INPP5A: variants seen among roughly 807,000 people sequenced by gnomAD.
The protein encoded by INPP5A is inositol polyphosphate-5-phosphatase A, also known as 43 kDa inositol polyphosphate 5-phophatase.
INPP5A carries 14 observed loss-of-function variants against 65.2 expected under a neutral mutation model. The ratio of observed to expected loss-of-function variants is 0.21; its 90% confidence interval spans 0.14 to 0.34. The LOEUF is 0.34. Among genes scored for constraint, INPP5A ranks in the 10% least tolerant of loss-of-function variants. The pLI, the probability that INPP5A is intolerant of heterozygous loss-of-function variation, is 1.00. For missense variants in INPP5A, 431 were observed against 545.6 expected (o/e 0.79, Z 2.09); for synonymous variants, 207 against 208.3 (o/e 0.99, Z 0.05).
intron 1 of INPP5A, among the ~76,000 whole-genome samples, chr10:132,564,959 G>A (rs777315657): frequency 3.0e-4 from 46 of 152,136 alleles, no homozygotes; most frequent in South Asian, 8.3e-4. Flanking sequence ...CTGCCACCCC[G>A]CTCCCCACAG....
chr10:132,653,794 C>T (rs1056251965), intron 4 of INPP5A, among the ~76,000 whole-genome samples: 6 of 152,214 alleles, frequency 3.9e-5, no homozygotes, highest in African/African-American at 1.4e-4. Flanking sequence ...AGTCTGCACC[C>T]GCTGCAGATC....
At chr10:132,745,841 G>A (rs1346372372) in intron 9 of INPP5A, among the ~76,000 whole-genome samples, 1 of 151,590 alleles carries the variant, frequency 6.6e-6, no homozygotes. Context: ...GCCTGGGCAT[G>A]GTGGGCCCGG....
intron 9 of INPP5A, among the ~76,000 whole-genome samples, chr10:132,736,532 G>C (rs529158710): frequency 6.6e-6 from 1 of 152,198 alleles, no homozygotes; most frequent in Non-Finnish European, 1.5e-5. Flanking sequence ...GAGACACCCC[G>C]AGAGCCGGGC....
At chr10:132,661,604 C>T (rs567021072) in intron 4 of INPP5A, among the ~76,000 whole-genome samples, 14 of 152,120 alleles carry the variant, frequency 9.2e-5, no homozygotes, top group Admixed American at 4.6e-4. Context: ...GATGTCATTT[C>T]TCCCCAAATT....
At position 132,645,864 on chromosome 10, in the gene INPP5A, C is replaced by T. The variant is rs376998631; in HGVS notation, c.118-4C>T. On this transcript the variant is annotated splice_region_variant and splice_polypyrimidine_tract_variant and intron_variant, in intron 2 of 15. Coordinates refer to ENST00000368594, the MANE Select transcript of INPP5A (RefSeq NM_005539.5). ...ACCCTGACAGTGTGCTTCTCTCCCT[C>T]CAGGTCGTGCACACACACAAGCCGC... 3.1e-6 allele frequency: 5 copies of T among 1,610,984 alleles called. No individual in the cohort carries two copies. The African/African-American group carries it at 4.0e-5, about 13-fold the overall frequency.
intron 9 of INPP5A, among the ~76,000 whole-genome samples, chr10:132,740,385 TCTC>T (rs1173892598): frequency 6.6e-6 from 1 of 151,916 alleles, no homozygotes; most frequent in African/African-American, 2.4e-5. Context: ...CTTAGTGAAT[TCTC>T]CTTTCACAGC....
intron 8 of INPP5A, among the ~76,000 whole-genome samples, chr10:132,712,946 G>A (rs775487380): frequency 2.0e-5 from 3 of 149,312 alleles, no homozygotes; most frequent in Admixed American, 6.8e-5. Flanking sequence ...GGGTGTGGGC[G>A]TGTGGGTGTG....
intron 1 of INPP5A, among the ~76,000 whole-genome samples, chr10:132,591,545 A>G (rs968303151): frequency 3.9e-5 from 6 of 152,264 alleles, no homozygotes; most frequent in Non-Finnish European, 7.3e-5. Context: ...CAATGTTCAC[A>G]TATGCAAAAG....
At chr10:132,596,461 C>T (rs1347514625) in intron 1 of INPP5A, among the ~76,000 whole-genome samples, 2 of 148,782 alleles carry the variant, frequency 1.3e-5, no homozygotes, top group African/African-American at 5.0e-5. Context: ...TGGAGTCTCG[C>T]ACTGTCACCC....
At position 132,704,038 on chromosome 10, in the gene INPP5A, C is replaced by T. The variant is rs1222344428; in HGVS notation, c.475-4275C>T. Among the ~76,000 whole-genome samples the T allele has an allele frequency of 6.6e-6, 1 of 151,090 alleles. No homozygotes were observed. Among genetic ancestry groups the T allele is most frequent in the Admixed American group, 6.6e-5 (1 of 15,166 alleles). On this transcript the variant is annotated intron_variant, in intron 6 of 15. Transcript: ENST00000368594. This position sits in a 1 kb window ranked among gnomAD's most constrained non-coding sequence, Gnocchi z 4.5. ...CCCCACACACGCGTGGCTTCACCCC[C>T]ACACACACGCAGCTTCACCCGCATG... is the stretch of plus-strand genomic sequence containing the variant.
chr10:132,571,671 C>T (rs1208499166), intron 1 of INPP5A, among the ~76,000 whole-genome samples: 1 of 152,216 alleles, frequency 6.6e-6, no homozygotes, highest in East Asian at 1.9e-4. Context: ...GGAGTGTCTG[C>T]AGGCAGACCT....
At chr10:132,593,014 C>T (rs2071638014) in intron 1 of INPP5A, among the ~76,000 whole-genome samples, 1 of 152,172 alleles carries the variant, frequency 6.6e-6, no homozygotes, top group African/African-American at 2.4e-5. Flanking sequence ...GATATCATTT[C>T]CCTGTGGTTG....
rs756212863 is a variant in INPP5A at position 132,551,701 on chromosome 10, G to A, written c.75+13530G>A. On this transcript the variant is annotated intron_variant, in intron 1 of 15. Transcript: ENST00000368594. This position sits in a 1 kb window ranked among gnomAD's most constrained non-coding sequence, Gnocchi z 5.3. ...GTGTGTGCGTCGTACACAGGTGGAA[G>A]GTGGAGGCCTGGGCCCAGGCTGGAG... Among the ~76,000 whole-genome samples, 2 of 152,226 alleles carry A rather than the reference G, an allele frequency of 1.3e-5. No homozygotes were observed. Among genetic ancestry groups the A allele is most frequent in the African/African-American group, 2.4e-5 (1 of 41,450 alleles).
chr10:132,593,860 C>T (rs2071649825), intron 1 of INPP5A, among the ~76,000 whole-genome samples: 2 of 152,056 alleles, frequency 1.3e-5, no homozygotes, highest in Admixed American at 1.3e-4. Context: ...TTTCAAAGCT[C>T]TTATATGTTG....
rs35604842 is a variant in INPP5A at position 132,727,451 on chromosome 10, G to T, written c.732+546G>T. ...ACTCAGGGGTCCAGGGTGCTCCTGG[G>T]TGTGCTTTCGGGCTGGCCGGGGACC... On this transcript the variant is annotated intron_variant, in intron 9 of 15. Transcript: ENST00000368594. The surrounding 1 kb of genome is among the most constrained non-coding windows in gnomAD (Gnocchi z 6.5). The T allele has an allele frequency of 0.017, 2,667 of 152,412 alleles. 39 individuals are homozygous for T. The highest frequency in any genetic ancestry group is 0.03 in the Non-Finnish European group (2,055 of 68,156). 9.4% of individuals were successfully genotyped at this position (152,412 alleles called of 1,614,324 possible).
intron 1 of INPP5A, among the ~76,000 whole-genome samples, chr10:132,578,862 C>T (rs1162816946): frequency 1.3e-5 from 2 of 152,086 alleles, no homozygotes; most frequent in African/African-American, 2.4e-5. Flanking sequence ...AGAGGGGCTG[C>T]GGCCGTAGTC....
At chr10:132,683,461 C>T (rs778099663) in intron 4 of INPP5A, among the ~76,000 whole-genome samples, 4 of 152,104 alleles carry the variant, frequency 2.6e-5, no homozygotes, top group African/African-American at 7.2e-5. Context: ...TATATATGCA[C>T]GCATGTTTAA....
chr10:132,676,340 C>T lies in INPP5A; in HGVS notation c.307-14052C>T, dbSNP rs2072964364. ...CCTGCGGAAAGGCTCTGGGGCGTCACGTCTCCCTGTGGCCGAGGCTGCTGT... is the reference window on the plus strand; with the variant it reads ...CCTGCGGAAAGGCTCTGGGGCGTCATGTCTCCCTGTGGCCGAGGCTGCTGT... On this transcript the variant is annotated intron_variant, in intron 4 of 15. Coordinates refer to ENST00000368594, the MANE Select transcript of INPP5A (RefSeq NM_005539.5). The surrounding 1 kb of genome is among the most constrained non-coding windows in gnomAD (Gnocchi z 4.0). 6.6e-6 allele frequency among the ~76,000 whole-genome samples: 1 copy of T among 152,148 alleles called. No individual in the cohort carries two copies. Among genetic ancestry groups the T allele is most frequent in the Non-Finnish European group, 1.5e-5 (1 of 68,032 alleles).
chr10:132,613,718 G>A (rs1425379359), intron 2 of INPP5A, among the ~76,000 whole-genome samples: 4 of 152,218 alleles, frequency 2.6e-5, no homozygotes, highest in Non-Finnish European at 4.4e-5. Flanking sequence ...TTCAGCGGCT[G>A]CACTGAGGGG....
Sources: gnomAD v4.1 joint callset for allele counts (sites outside exome capture counted in the v4.1 genomes callset) on GRCh38, gnomAD v4.1.1 for gene constraint, Gnocchi (gnomAD v3.1) non-coding constraint, MANE v1.5 for transcripts, NCBI Gene and HGNC (gene_info 2026-07-23, HGNC 2026-07-21) for gene names.